The following CALD1 variants were observed in gnomAD, a reference collection of about 807,000 sequenced individuals.
CALD1 encodes the protein caldesmon 1.
A neutral mutation model predicts 99.9 loss-of-function variants in CALD1; 33 were observed. The observed-to-expected ratio is 0.33, with a 90% CI of 0.25 to 0.44. The LOEUF is 0.44. CALD1 is among the 20% of genes least tolerant of loss of function. The pLI, the probability that CALD1 is intolerant of heterozygous loss-of-function variation, is 1.00. For missense variants in CALD1, 861 were observed against 962.1 expected, an observed-to-expected ratio of 0.89 and a Z score of 1.39; for synonymous variants, 310 against 325.0, an observed-to-expected ratio of 0.95 and a Z score of 0.50.
At chr7:134,949,062 C>T (rs1807133351) in intron 8 of CALD1, among the ~76,000 whole-genome samples, 1 of 152,112 alleles carries the variant, frequency 6.6e-6, no homozygotes, top group Admixed American at 6.5e-5. Flanking sequence ...ATCTACTTTG[C>T]AGGATTCTTC....
At chr7:134,754,294 C>G (rs1216197739) in intron 1 of CALD1, among the ~76,000 whole-genome samples, 7 of 152,106 alleles carry the variant, frequency 4.6e-5, no homozygotes, top group Non-Finnish European at 1.0e-4. Flanking sequence ...TTAGGTAAAC[C>G]TAAGTGTGTA....
intron 6 of CALD1, among the ~76,000 whole-genome samples, chr7:134,936,712 C>T (rs1297246070): frequency 1.3e-5 from 2 of 152,004 alleles, no homozygotes; most frequent in East Asian, 1.9e-4. Flanking sequence ...TTCTTAAATA[C>T]GTTTTGTCAA....
intron 3 of CALD1, among the ~76,000 whole-genome samples, chr7:134,888,605 G>GCTC (rs892703017): frequency 3.3e-5 from 5 of 152,118 alleles, no homozygotes; most frequent in Admixed American, 3.3e-4. Flanking sequence ...GCGTCTTCCC[G>GCTC]CGTTGCCTGT....
intron 1 of CALD1, among the ~76,000 whole-genome samples, chr7:134,769,256 G>A (rs187469135): frequency 4.6e-5 from 7 of 152,096 alleles, no homozygotes; most frequent in South Asian, 4.2e-4. Flanking sequence ...GTGTGAGGGC[G>A]TCCCAAGAGG....
chr7:134,903,740 C>A (rs544737501), intron 3 of CALD1, among the ~76,000 whole-genome samples: 2 of 152,156 alleles, frequency 1.3e-5, no homozygotes, highest in East Asian at 3.9e-4. Context: ...GGATTAGAAC[C>A]CACCCTGATA....
the CALD1 span, among the ~76,000 whole-genome samples, chr7:134,711,730 C>G: frequency 4.3e-3 from 489 of 112,486 alleles, 3 homozygotes; most frequent in African/African-American, 0.014. Context: ...GTGTGTGTCT[C>G]TCTCTCTGTC....
At chr7:134,843,753 CT>C (rs1415540871) in intron 1 of CALD1, 130 bp from the exon 2 acceptor site, 1 of 152,188 alleles carries the variant, frequency 6.6e-6, no homozygotes, top group Admixed American at 6.5e-5. Flanking sequence ...ATTTCTACCC[CT>C]GCCTTACTTC....
chr7:134,795,369 C>T (rs891073494), intron 1 of CALD1, among the ~76,000 whole-genome samples: 5 of 152,146 alleles, frequency 3.3e-5, no homozygotes, highest in African/African-American at 1.2e-4. Flanking sequence ...CACATGTTCT[C>T]TTGCCTGCCG....
At chr7:134,774,240 T>C (rs1796900164) in intron 1 of CALD1, among the ~76,000 whole-genome samples, 2 of 152,154 alleles carry the variant, frequency 1.3e-5, no homozygotes, top group Non-Finnish European at 2.9e-5. Context: ...TAAAGTGCAC[T>C]GGACAATGTC....
intron 1 of CALD1, among the ~76,000 whole-genome samples, chr7:134,815,922 T>G (rs1049608601): frequency 8.5e-5 from 13 of 152,196 alleles, no homozygotes; most frequent in Non-Finnish European, 1.3e-4. Context: ...ATCCCCTTTG[T>G]AAAATATCAA....
At chr7:134,947,845 T>G in intron 8 of CALD1, 76 bp downstream of exon 8, 2 of 1,514,326 alleles carry the variant, frequency 1.3e-6, no homozygotes, top group South Asian at 2.6e-5. Flanking sequence ...CTTTTGAGCA[T>G]GGGCTCTCAA....
intron 3 of CALD1, among the ~76,000 whole-genome samples, chr7:134,922,259 T>G (rs1804673316): frequency 6.6e-6 from 1 of 152,208 alleles, no homozygotes. Flanking sequence ...TTAATGCTCC[T>G]AAACATGTAA....
At chr7:134,928,306 G>A (rs903980988) in intron 3 of CALD1, among the ~76,000 whole-genome samples, 2 of 151,954 alleles carry the variant, frequency 1.3e-5, no homozygotes, top group African/African-American at 4.8e-5. Context: ...GCATGTGCCT[G>A]TAATCCCAGC....
chr7:134,711,660 C>CTCTCTCTCTCTCTATATATATA, the CALD1 span, among the ~76,000 whole-genome samples: 1 of 78,358 alleles, frequency 1.3e-5, no homozygotes, highest in African/African-American at 6.2e-5. Context: ...CTCTCTCTCT[C>CTCTCTCTCTCTCTATATATATA]TATATATATA....
chr7:134,957,103 T>C (rs1237216558), intron 9 of CALD1, among the ~76,000 whole-genome samples: 1 of 152,158 alleles, frequency 6.6e-6, no homozygotes, highest in African/African-American at 2.4e-5. Flanking sequence ...TAAGAGGGGC[T>C]TCATGGGAAG....
chr7:134,960,012 G>A lies in CALD1; in HGVS notation c.2100G>A (p.Ser700=), dbSNP rs751518910. 9.9e-6 allele frequency: 16 copies of A among 1,613,914 alleles called. No individual in the cohort carries two copies. The highest frequency in any genetic ancestry group is 4.5e-5 in the East Asian group (2 of 44,898). The part of the protein sequence containing the change: ...KSAKPTKPAA[S]DLPVPAEGVR... ...CAAAACCTACAAAGCCGGCAGCCTC[G>A]GATCTTCCTGTTCCTGCTGAAGGTG... Residue 700 remains serine (S), a synonymous_variant, in exon 12 of 15, where the codon TCG becomes TCA. Transcript: ENST00000361675.
intron 1 of CALD1, among the ~76,000 whole-genome samples, chr7:134,789,388 T>C (rs556172998): frequency 2.0e-5 from 3 of 152,312 alleles, no homozygotes; most frequent in African/African-American, 4.8e-5. Flanking sequence ...TCCACGTCAC[T>C]GAGACTCCTC....
intron 3 of CALD1, among the ~76,000 whole-genome samples, chr7:134,911,734 G>GC (rs1392033834): frequency 6.6e-6 from 1 of 152,182 alleles, no homozygotes; most frequent in African/African-American, 2.4e-5. Context: ...GTGTTTTAAT[G>GC]CCATATGCCT....
At chr7:134,948,399 C>T (rs910478795) in intron 8 of CALD1, among the ~76,000 whole-genome samples, 2 of 151,930 alleles carry the variant, frequency 1.3e-5, no homozygotes, top group Non-Finnish European at 2.9e-5. Context: ...CTAAAAACAG[C>T]AGATAGAGTT....
Sources: allele counts gnomAD v4.1 joint callset (sites outside exome capture counted in the v4.1 genomes callset), GRCh38; gene constraint gnomAD v4.1.1; transcripts MANE v1.5; gene names NCBI Gene and HGNC (gene_info 2026-07-23, HGNC 2026-07-21).